The following PTPRG variants were observed in gnomAD, a reference collection of about 807,000 sequenced individuals.
PTPRG encodes the protein receptor-type tyrosine-protein phosphatase gamma.
PTPRG carries 102 observed loss-of-function variants against 165.3 expected under a neutral mutation model. The ratio of observed to expected loss-of-function variants is 0.62; its 90% CI spans 0.53 to 0.73. The LOEUF is 0.73. Among genes scored for constraint, PTPRG ranks in the 30% least tolerant of loss-of-function variants. PTPRG has a pLI of 0.00. For synonymous variants in PTPRG, 675 were observed against 669.5 expected (o/e 1.01, Z -0.13); for missense variants, 1,866 against 1,861.4 (o/e 1.00, Z -0.05).
intron 5 of PTPRG, among the ~76,000 whole-genome samples, chr3:62,095,234 G>A (rs186219574): frequency 9.3e-4 from 141 of 152,274 alleles, no homozygotes; most frequent in African/African-American, 3.2e-3. Flanking sequence ...GGACTCTTAC[G>A]CCGTGATGCT....
In PTPRG at chr3:62,057,192, C is replaced by G. The variant is rs182061378; in HGVS notation, c.520-20971C>G. ...ATGGGCCTTACCTGAGAAGGAAAGG[C>G]AGGGATGGTTAACCCTGGCTACACC... On this transcript the variant is annotated intron_variant, in intron 4 of 29. Coordinates refer to ENST00000474889, the MANE Select transcript of PTPRG (RefSeq NM_002841.4). Among the ~76,000 whole-genome samples, 258 of 152,270 alleles carry G rather than the reference C, an allele frequency of 1.7e-3. 1 individual carries two copies. The highest frequency in any genetic ancestry group is 2.7e-3 in the Non-Finnish European group (182 of 68,024).
intron 1 of PTPRG, among the ~76,000 whole-genome samples, chr3:61,619,086 G>C (rs981098151): frequency 3.3e-5 from 5 of 151,850 alleles, no homozygotes; most frequent in African/African-American, 1.2e-4. Context: ...GAGCCTGGGA[G>C]ATCAAGGCTA....
chr3:62,235,757 T>C (rs898955992), intron 14 of PTPRG, among the ~76,000 whole-genome samples: 4 of 152,212 alleles, frequency 2.6e-5, no homozygotes, highest in Non-Finnish European at 5.9e-5. Context: ...ATCCAAAATA[T>C]TTTTGAAACA....
intron 9 of PTPRG, among the ~76,000 whole-genome samples, chr3:62,192,597 G>T (rs1310064237): frequency 1.3e-5 from 2 of 151,614 alleles, no homozygotes; most frequent in Non-Finnish European, 2.9e-5. Context: ...ATTTTTAGTA[G>T]AGACAGGGTT....
chr3:61,713,632 A>G (rs1575605126), intron 1 of PTPRG, among the ~76,000 whole-genome samples: 1 of 152,168 alleles, frequency 6.6e-6, no homozygotes, highest in African/African-American at 2.4e-5. Context: ...CAAATTTAAT[A>G]TAATATGATT....
chr3:61,978,520 G>T (rs983873746), intron 2 of PTPRG, among the ~76,000 whole-genome samples: 2 of 151,300 alleles, frequency 1.3e-5, no homozygotes, highest in African/African-American at 2.4e-5. Flanking sequence ...TAAAATAAGT[G>T]GTGGATATTT....
intron 1 of PTPRG, among the ~76,000 whole-genome samples, chr3:61,719,414 G>A (rs1048349158): frequency 2.6e-5 from 4 of 152,140 alleles, no homozygotes; most frequent in South Asian, 2.1e-4. Context: ...AGTGTGTGGG[G>A]AGTGCATACT....
intron 4 of PTPRG, among the ~76,000 whole-genome samples, chr3:62,030,108 C>T (rs1699714518): frequency 6.6e-6 from 1 of 152,012 alleles, no homozygotes; most frequent in African/African-American, 2.4e-5. Flanking sequence ...TTAGTGAAAT[C>T]ATGTATATCC....
At position 62,252,311 on chromosome 3, in the gene PTPRG, TC is replaced by T. The variant is rs1701439541; in HGVS notation, c.2468-2811del. Among the ~76,000 whole-genome samples, 1 of 152,206 alleles carries T rather than the reference TC, an allele frequency of 6.6e-6. No individual in the cohort carries two copies. The highest frequency in any genetic ancestry group is 2.1e-4 in the South Asian group (1 of 4,836). On this transcript the variant is annotated intron_variant, in intron 15 of 29. Transcript: ENST00000474889. The surrounding 1 kb of genome is among the most constrained non-coding windows in gnomAD (Gnocchi z 4.6). ...TACTAGGTGCTCAGAAACGGCTTCATCCAGGGGTTTCCCATTCTCTCTGAGT... is the reference window on the plus strand; with the variant it reads ...TACTAGGTGCTCAGAAACGGCTTCATCAGGGGTTTCCCATTCTCTCTGAGT...
At chr3:62,049,126 A>G (rs978497749) in intron 4 of PTPRG, among the ~76,000 whole-genome samples, 3 of 152,112 alleles carry the variant, frequency 2.0e-5, no homozygotes. Flanking sequence ...AAAACAAAAA[A>G]AAAAACAGAA....
intron 1 of PTPRG, among the ~76,000 whole-genome samples, chr3:61,657,871 C>T (rs552572231): frequency 4.6e-5 from 7 of 152,232 alleles, no homozygotes; most frequent in Admixed American, 1.3e-4. Context: ...CAGGCATCAG[C>T]GGGGAAGATG....
rs1471070659 is a variant in PTPRG, at chr3:62,203,277, T to A, written c.1482T>A (p.Thr494=). ...CATTCTCATTTGTTTCCATGGCAAC[T>A]GGGATGGGCCCCTCCTCCAGTGGCA... ...GIPFSFVSMA[T]GMGPSSSGSQ... The change falls in exon 12 of 30, where the codon ACT becomes ACA. Residue 494 remains threonine, a synonymous_variant. Transcript: ENST00000474889. The surrounding 1 kb of genome is among the most constrained non-coding windows in gnomAD (Gnocchi z 6.4). 5.6e-6 allele frequency: 9 copies of A among 1,614,012 alleles called. No homozygotes were observed. The highest frequency in any genetic ancestry group is 1.6e-4 in the Middle Eastern group (1 of 6,062).
At chr3:62,205,577 C>T (rs1363777910) in intron 12 of PTPRG, among the ~76,000 whole-genome samples, 3 of 152,020 alleles carry the variant, frequency 2.0e-5, no homozygotes, top group Admixed American at 6.6e-5. Context: ...GAGCAGAGAG[C>T]CAAGTGGTAA....
intron 2 of PTPRG, among the ~76,000 whole-genome samples, chr3:61,775,291 G>T (rs915979506): frequency 6.6e-6 from 1 of 152,048 alleles, no homozygotes; most frequent in African/African-American, 2.4e-5. Context: ...GGCTGGTCTC[G>T]AACTCCTGAC....
chr3:62,163,669 C>A (rs1162386432), intron 7 of PTPRG, among the ~76,000 whole-genome samples: 3 of 152,336 alleles, frequency 2.0e-5, no homozygotes, highest in South Asian at 2.1e-4. Flanking sequence ...TTACCACATT[C>A]CTCATGAAAT....
intron 2 of PTPRG, among the ~76,000 whole-genome samples, chr3:61,822,537 C>T (rs938450623): frequency 1.3e-5 from 2 of 152,192 alleles, no homozygotes; most frequent in South Asian, 2.1e-4. Context: ...AAAATGCTTT[C>T]TGTCCTCAGA....
chr3:61,716,956 A>AGT (rs920164282), intron 1 of PTPRG, among the ~76,000 whole-genome samples: 7 of 152,222 alleles, frequency 4.6e-5, no homozygotes, highest in African/African-American at 1.4e-4. Flanking sequence ...TGGGCAACAC[A>AGT]GTGAGACTCC....
At chr3:61,945,560 C>CAAAAAAAAAA (rs71123242) in intron 2 of PTPRG, among the ~76,000 whole-genome samples, 21 of 55,458 alleles carry the variant, frequency 3.8e-4, no homozygotes, top group Non-Finnish European at 4.2e-4. Context: ...ACTCCGTCAC[C>CAAAAAAAAAA]AAAAAAAAAA....
chr3:61,765,152 C>T (rs898622558), intron 2 of PTPRG, among the ~76,000 whole-genome samples: 1 of 152,140 alleles, frequency 6.6e-6, no homozygotes, highest in Non-Finnish European at 1.5e-5. Flanking sequence ...GTGTTGTGCA[C>T]AGTGGCTAAG....
Sources: allele counts gnomAD v4.1 joint callset (sites outside exome capture counted in the v4.1 genomes callset), GRCh38; gene constraint gnomAD v4.1.1; non-coding constraint Gnocchi (gnomAD v3.1); transcripts MANE v1.5; gene names NCBI Gene and HGNC (gene_info 2026-07-23, HGNC 2026-07-21).